SAP130: variants seen among roughly 807,000 people sequenced by gnomAD.
The protein encoded by SAP130 is histone deacetylase complex subunit SAP130.
Under a neutral mutation model 103.2 loss-of-function variants are expected in SAP130, and 16 were observed. That is an observed-to-expected ratio of 0.16 (90% CI 0.10 to 0.24). The LOEUF is 0.24. Ranked by LOEUF, SAP130 falls within the 10% of genes least tolerant of loss-of-function variation. The pLI is 1.00. For synonymous variants in SAP130, 477 were observed against 497.0 expected (o/e 0.96, Z 0.53); for missense variants, 990 against 1,359.7 (o/e 0.73, Z 4.28).
At chr2:127,998,982 T>C (rs1380860746) in intron 10 of SAP130, among the ~76,000 whole-genome samples, 1 of 152,242 alleles carries the variant, frequency 6.6e-6, no homozygotes, top group Non-Finnish European at 1.5e-5. Context: ...TCAACAGGTG[T>C]GTTATGCTAA....
chr2:127,953,376 A>G lies in SAP130; in HGVS notation c.2422+1610T>C, dbSNP rs2104747785. Reference sequence around the variant, plus strand: ...TGGCAATTAATGCAACAGCCGCTTGACAGGTCTCCCCGATTCCATCCCTGT... The same window carrying G: ...TGGCAATTAATGCAACAGCCGCTTGGCAGGTCTCCCCGATTCCATCCCTGT... On this transcript the variant is annotated intron_variant, in intron 16 of 20. Transcript: ENST00000643581. The surrounding 1 kb of genome is among the most constrained non-coding windows in gnomAD (Gnocchi z 4.0). Among the ~76,000 whole-genome samples the G allele has an allele frequency of 1.3e-5, 2 of 152,314 alleles. No homozygotes were observed. Among genetic ancestry groups the G allele is most frequent in the South Asian group, 4.1e-4 (2 of 4,824 alleles).
rs182355996 is a variant in SAP130 at position 127,979,206 on chromosome 2, G to C, written c.1959-1117C>G. 2.0e-5 allele frequency among the ~76,000 whole-genome samples: 3 copies of C among 152,340 alleles called. No individual in the cohort carries two copies. The East Asian group carries it at 5.8e-4, about 29-fold the overall frequency. Reference sequence around the variant, plus strand: ...CGACGGAGGCAGAGATTGGGGTGCTGTGCCTGCAAGCCAAAGAACACAAAG... The same window carrying C: ...CGACGGAGGCAGAGATTGGGGTGCTCTGCCTGCAAGCCAAAGAACACAAAG... On this transcript the variant is annotated intron_variant, in intron 14 of 20. Coordinates refer to ENST00000643581, the MANE Select transcript of SAP130 (RefSeq NM_001330301.2).
In SAP130 at chr2:128,016,375, A is replaced by T. The variant is rs1209556922; in HGVS notation, c.507+14T>A. On this transcript the variant is annotated intron_variant, in intron 4 of 20. Transcript: ENST00000643581. ...TTTCAGTTTGAAAATCAGCAAATTA[A>T]AAGGAAGAAAAACCTGTTGTCCACT... is the stretch of plus-strand genomic sequence containing the variant. The T allele has an allele frequency of 1.2e-6, 2 of 1,602,744 alleles. No homozygotes were observed. The highest frequency in any genetic ancestry group is 2.7e-5 in the African/African-American group (2 of 74,470).
rs1345373718 is a variant in SAP130, at chr2:128,014,807, A to G, written c.615T>C (p.Pro205=). ...PPLHIGASHL[P]RGAAAAAVMS... Reference sequence around the variant, plus strand: ...ACAAAACTTGCAAGTCGTTACCTCGAGGTAAATGAGAAGCTCCAATGTGAA... The same window carrying G: ...ACAAAACTTGCAAGTCGTTACCTCGGGGTAAATGAGAAGCTCCAATGTGAA... The change falls in exon 5 of 21, where the codon CCT becomes CCC. Residue 205 remains proline (P), a synonymous_variant. Coordinates refer to ENST00000643581, the MANE Select transcript of SAP130 (RefSeq NM_001330301.2). The G allele has an allele frequency of 6.2e-7, 1 of 1,611,286 alleles. No individual in the cohort carries two copies. The highest frequency in any genetic ancestry group is 1.1e-5 in the South Asian group (1 of 91,006).
intron 7 of SAP130, among the ~76,000 whole-genome samples, chr2:128,005,830 A>G (rs1445091839): frequency 6.6e-6 from 1 of 151,888 alleles, no homozygotes; most frequent in East Asian, 2.0e-4. Context: ...GGGTTTCACC[A>G]TGTTGGCCAG....
intron 13 of SAP130, among the ~76,000 whole-genome samples, chr2:127,988,448 A>AC (rs968892426): frequency 1.3e-5 from 2 of 151,744 alleles, no homozygotes; most frequent in African/African-American, 2.4e-5. Context: ...AAAAAAAAAA[A>AC]AAATCAGTGC....
At chr2:127,985,031 A>G (rs1207888728) in intron 14 of SAP130, among the ~76,000 whole-genome samples, 1 of 152,240 alleles carries the variant, frequency 6.6e-6, no homozygotes, top group East Asian at 1.9e-4. Context: ...ACTTTCCCCT[A>G]CGCAAGCTTC....
chr2:127,962,224 G>A (rs917276901), intron 15 of SAP130, among the ~76,000 whole-genome samples: 3 of 152,120 alleles, frequency 2.0e-5, no homozygotes, highest in Admixed American at 6.5e-5. Flanking sequence ...AAAGGTAAAC[G>A]TTGATGTCTC....
chr2:128,018,052 G>A (rs1684898887), intron 2 of SAP130, 137 bp from the exon 3 acceptor site: 1 of 653,298 alleles, frequency 1.5e-6, no homozygotes, highest in South Asian at 1.9e-5. Flanking sequence ...TCTTAACAAG[G>A]TCAATATGGG....
At chr2:127,993,890 G>C (rs1211144120) in intron 11 of SAP130, among the ~76,000 whole-genome samples, 1 of 152,100 alleles carries the variant, frequency 6.6e-6, no homozygotes, top group Non-Finnish European at 1.5e-5. Flanking sequence ...TGAATTCTGG[G>C]ACTACAGACA....
In SAP130 at chr2:127,945,276, A is replaced by C. The variant is rs528344951; in HGVS notation, c.2901+180T>G. Among the ~76,000 whole-genome samples, 4 of 152,372 alleles carry C rather than the reference A, an allele frequency of 2.6e-5. No individual in the cohort carries two copies. The South Asian group carries it at 6.2e-4, about 24-fold the overall frequency. ...GGATACCAGAACTTAGATATATTTC[A>C]ATTTTAATCACATGTAACTGACACA... On this transcript the variant is annotated intron_variant, in intron 19 of 20. Transcript: ENST00000643581.
rs1559073243 is a variant in SAP130 at position 127,989,520 on chromosome 2, T to C, written c.1780+44A>G. ...GAGAAAGGATTTAAACCCAAATGTA[T>C]TTCTTTTCTCCAAACCACCTTCTAT... On this transcript the variant is annotated intron_variant, in intron 13 of 20. Transcript: ENST00000643581. The surrounding 1 kb of genome is among the most constrained non-coding windows in gnomAD (Gnocchi z 4.6). 1 of 1,537,160 alleles carries C rather than the reference T, an allele frequency of 6.5e-7. No homozygotes were observed. Among genetic ancestry groups the C allele is most frequent in the African/African-American group, 1.4e-5 (1 of 72,704 alleles).
rs767117312 is a variant in SAP130 at position 127,942,108 on chromosome 2, G to A, written c.3072C>T (p.Ser1024=). 1.9e-6 allele frequency: 3 copies of A among 1,608,770 alleles called. No homozygotes were observed. The Admixed American group carries it at 5.1e-5, about 28-fold the overall frequency. The change falls in exon 21 of 21, where the codon TCC becomes TCT. Residue 1024 remains serine, a synonymous_variant. Transcript: ENST00000643581. The surrounding 1 kb of genome is among the most constrained non-coding windows in gnomAD (Gnocchi z 4.8). The part of the protein sequence containing the change: ...VMDQISEARD[S]MLKVLDHKDR... ...CTTTATGATCTAAAACCTTAAGCATGGAGTCTCTGGCTTCACTGATTTGAT... is the reference window on the plus strand; with the variant it reads ...CTTTATGATCTAAAACCTTAAGCATAGAGTCTCTGGCTTCACTGATTTGAT...
intron 14 of SAP130, among the ~76,000 whole-genome samples, chr2:127,983,198 C>T (rs1254878287): frequency 6.6e-6 from 1 of 152,090 alleles, no homozygotes; most frequent in Non-Finnish European, 1.5e-5. Context: ...CTGCCCTGCC[C>T]AACAAGAAGG....
intron 14 of SAP130, among the ~76,000 whole-genome samples, chr2:127,984,566 G>C (rs1682235051): frequency 6.6e-6 from 1 of 152,164 alleles, no homozygotes; most frequent in Admixed American, 6.5e-5. Context: ...GGAAGCCCTA[G>C]TGTCAGTATC....
chr2:127,949,227 A>G (rs1679327263), intron 18 of SAP130, among the ~76,000 whole-genome samples: 1 of 152,228 alleles, frequency 6.6e-6, no homozygotes, highest in Non-Finnish European at 1.5e-5. Context: ...CCAATTATCT[A>G]GAGGCTCACA....
At chr2:128,016,756 A>T (rs1227699659) in intron 3 of SAP130, among the ~76,000 whole-genome samples, 1 of 152,260 alleles carries the variant, frequency 6.6e-6, no homozygotes, top group Admixed American at 6.5e-5. Context: ...AGCAAGGCTA[A>T]CTGACTTGCT....
At chr2:127,946,762 T>A (rs1018285030) in intron 18 of SAP130, among the ~76,000 whole-genome samples, 6 of 151,070 alleles carry the variant, frequency 4.0e-5, no homozygotes, top group Admixed American at 3.3e-4. Context: ...TGGGCGCCTA[T>A]AATCCCAGCT....
rs967112385 is a variant in SAP130 at position 127,953,746 on chromosome 2, C to T, written c.2422+1240G>A. On this transcript the variant is annotated intron_variant, in intron 16 of 20. Transcript: ENST00000643581. The surrounding 1 kb of genome is among the most constrained non-coding windows in gnomAD (Gnocchi z 4.0). Reference sequence around the variant, plus strand: ...GCCAGGAACTTCATTTCTTTAATGTCTCTACTCAATGGTCACTTCCTCAGT... The same window carrying T: ...GCCAGGAACTTCATTTCTTTAATGTTTCTACTCAATGGTCACTTCCTCAGT... 2.6e-5 allele frequency among the ~76,000 whole-genome samples: 4 copies of T among 152,166 alleles called. No homozygotes were observed. Among genetic ancestry groups the T allele is most frequent in the Non-Finnish European group, 5.9e-5 (4 of 68,036 alleles).
Sources: allele counts gnomAD v4.1 joint callset (sites outside exome capture counted in the v4.1 genomes callset), GRCh38; gene constraint gnomAD v4.1.1; non-coding constraint Gnocchi (gnomAD v3.1); transcripts MANE v1.5; gene names NCBI Gene and HGNC (gene_info 2026-07-23, HGNC 2026-07-21).